The following SASH1 variants were observed in gnomAD, a reference collection of about 807,000 sequenced individuals.
SASH1 encodes the protein SAM and SH3 domain-containing protein 1.
A neutral mutation model predicts 125.2 loss-of-function variants in SASH1; 44 were observed. The ratio of observed to expected loss-of-function variants is 0.35; its 90% CI spans 0.28 to 0.45. The LOEUF is 0.45. SASH1 is among the 20% of genes least tolerant of loss of function. SASH1 has a pLI of 1.00. For synonymous variants in SASH1, 639 were observed against 649.1 expected (o/e 0.98, Z 0.24); for missense variants, 1,426 against 1,614.5 (o/e 0.88, Z 2.00).
chr6:148,288,188 A>G (rs1779536351), intron 1 of SASH1, among the ~76,000 whole-genome samples: 1 of 152,210 alleles, frequency 6.6e-6, no homozygotes, highest in Non-Finnish European at 1.5e-5. Context: ...ATTTAATGAT[A>G]ACTTGATCTC....
chr6:148,304,229 A>G (rs9322140), intron 1 of SASH1, among the ~76,000 whole-genome samples: 110,444 of 151,934 alleles, frequency 0.73, 40,240 homozygotes, highest in South Asian at 0.76. Flanking sequence ...ACGAGGTCAG[A>G]AGATCAAGAC....
At chr6:148,359,909 C>T (rs1195734924) in intron 1 of SASH1, among the ~76,000 whole-genome samples, 10 of 152,152 alleles carry the variant, frequency 6.6e-5, no homozygotes, top group Non-Finnish European at 1.3e-4. Context: ...CAGGTGCCCG[C>T]CACCATGCCT....
At chr6:148,461,562 C>A (rs1180611898) in intron 4 of SASH1, among the ~76,000 whole-genome samples, 2 of 152,182 alleles carry the variant, frequency 1.3e-5, no homozygotes, top group East Asian at 1.9e-4. Flanking sequence ...AGGCAACTCA[C>A]TCCCTGCACC....
rs1486222175 is a variant in SASH1 at position 148,544,838 on chromosome 6, C to T, written c.3348+20C>T. On this transcript the variant is annotated intron_variant, in intron 18 of 19. Coordinates refer to ENST00000367467, the MANE Select transcript of SASH1 (RefSeq NM_015278.5). The surrounding 1 kb of genome is among the most constrained non-coding windows in gnomAD (Gnocchi z 6.4). ...GATAAGGTATCAAAGGTCCTGGGCC[C>T]ACCACGTTCACAGGCCTTTGTTTGT... 2 of 1,542,780 alleles carry T rather than the reference C, an allele frequency of 1.3e-6. No homozygotes were observed. Among genetic ancestry groups the T allele is most frequent in the Middle Eastern group, 2.0e-4 (1 of 5,006 alleles).
In SASH1 at chr6:148,532,859, G is replaced by A; in HGVS notation, c.1627G>A (p.Asp543Asn). 3.1e-6 allele frequency: 5 copies of A among 1,614,260 alleles called. No individual in the cohort carries two copies. Among genetic ancestry groups the A allele is most frequent in the Non-Finnish European group, 4.2e-6 (5 of 1,180,048 alleles). Residue 543 changes from aspartate (D) to asparagine (N), a missense_variant, in exon 14 of 20, where the codon GAT (aspartate) becomes AAT (asparagine). Asp to Asn is a conservative substitution (Grantham distance 23). Transcript: ENST00000367467. The surrounding 1 kb of genome is among the most constrained non-coding windows in gnomAD (Gnocchi z 4.7). ...TSNRESVKSE[D>N]GDDEEPPYRG... Reference sequence around the variant, plus strand: ...CAACCGGGAAAGCGTCAAGTCGGAAGATGGGGATGACGAAGAGCCGCCTTA... The same window carrying A: ...CAACCGGGAAAGCGTCAAGTCGGAAAATGGGGATGACGAAGAGCCGCCTTA...
At chr6:148,517,298 G>GC (rs1780496097) in intron 9 of SASH1, among the ~76,000 whole-genome samples, 1 of 152,188 alleles carries the variant, frequency 6.6e-6, no homozygotes, top group Non-Finnish European at 1.5e-5. Flanking sequence ...TGGATGCAGA[G>GC]CATACCCCTG....
intron 4 of SASH1, among the ~76,000 whole-genome samples, chr6:148,443,082 T>A (rs2115012026): frequency 6.6e-6 from 1 of 151,754 alleles, no homozygotes; most frequent in Non-Finnish European, 1.5e-5. Context: ...GCTGTATTTG[T>A]TTTACTAATT....
chr6:148,367,390 A>C (rs1782513514), intron 1 of SASH1, among the ~76,000 whole-genome samples: 1 of 122,260 alleles, frequency 8.2e-6, no homozygotes, highest in Admixed American at 9.1e-5. Flanking sequence ...TAGTTGTCTG[A>C]GCCACCGCTT....
chr6:148,209,933 G>T, the SASH1 span, among the ~76,000 whole-genome samples: 1 of 152,104 alleles, frequency 6.6e-6, no homozygotes, highest in African/African-American at 2.4e-5. Flanking sequence ...TACACACAGT[G>T]TATTTTTTTT....
the SASH1 span, among the ~76,000 whole-genome samples, chr6:148,220,262 ATCC>A: frequency 2.0e-5 from 3 of 152,150 alleles, no homozygotes; most frequent in Admixed American, 2.0e-4. Flanking sequence ...TCAACTCTGT[ATCC>A]TCATATGGCA....
intron 1 of SASH1, among the ~76,000 whole-genome samples, chr6:148,367,068 C>T (rs1053638254): frequency 5.4e-5 from 8 of 149,258 alleles, no homozygotes; most frequent in African/African-American, 1.5e-4. Flanking sequence ...GCCTCCCAGG[C>T]GCCTGCCACC....
At chr6:148,444,957 C>T (rs1776709154) in intron 4 of SASH1, among the ~76,000 whole-genome samples, 3 of 152,142 alleles carry the variant, frequency 2.0e-5, no homozygotes, top group Admixed American at 1.3e-4. Flanking sequence ...GCAGGCAGTT[C>T]CCAGAACTGA....
intron 1 of SASH1, among the ~76,000 whole-genome samples, chr6:148,323,403 C>G (rs1780706725): frequency 6.6e-6 from 1 of 152,194 alleles, no homozygotes; most frequent in African/African-American, 2.4e-5. Context: ...GACACCTGTA[C>G]TTTTTTAAAG....
chr6:148,257,914 C>A, the SASH1 span, among the ~76,000 whole-genome samples: 2 of 152,178 alleles, frequency 1.3e-5, no homozygotes. Context: ...CAGGCTGAGC[C>A]ACCACACCTG....
intron 16 of SASH1, among the ~76,000 whole-genome samples, chr6:148,538,882 T>C (rs1040194685): frequency 1.3e-5 from 2 of 152,214 alleles, no homozygotes; most frequent in Admixed American, 6.5e-5. Flanking sequence ...TAGAAAATGT[T>C]TTCTTGGTTT....
chr6:148,454,623 T>C (rs1172702278), intron 4 of SASH1, among the ~76,000 whole-genome samples: 1 of 152,110 alleles, frequency 6.6e-6, no homozygotes, highest in Non-Finnish European at 1.5e-5. Flanking sequence ...GCCCCAGGCC[T>C]AGCTGGTGGA....
chr6:148,218,351 A>G, the SASH1 span, among the ~76,000 whole-genome samples: 1 of 152,246 alleles, frequency 6.6e-6, no homozygotes, highest in African/African-American at 2.4e-5. Flanking sequence ...CCCCAACCCA[A>G]AAACATAACC....
chr6:148,377,963 T>TAG (rs1157785053), intron 1 of SASH1, among the ~76,000 whole-genome samples: 1 of 152,142 alleles, frequency 6.6e-6, no homozygotes, highest in Non-Finnish European at 1.5e-5. Flanking sequence ...TTTAACTACC[T>TAG]TACTCTGGGT....
At chr6:148,486,467 A>G (rs1778846839) in intron 7 of SASH1, among the ~76,000 whole-genome samples, 1 of 152,042 alleles carries the variant, frequency 6.6e-6, no homozygotes, top group East Asian at 1.9e-4. Flanking sequence ...AAAACTAGAA[A>G]CCTTGTTTCT....
Sources: gnomAD v4.1 joint callset for allele counts (sites outside exome capture counted in the v4.1 genomes callset) on GRCh38, gnomAD v4.1.1 for gene constraint, Gnocchi (gnomAD v3.1) non-coding constraint, MANE v1.5 for transcripts, NCBI Gene and HGNC (gene_info 2026-07-23, HGNC 2026-07-21) for gene names.